GALNT17: variants seen among roughly 807,000 people sequenced by gnomAD.
The protein encoded by GALNT17 is UDP-GalNAc:polypeptide N-acetylgalactosaminyltransferase-like 3.
GALNT17 carries 29 observed loss-of-function variants against 63.7 expected under a neutral mutation model. The observed-to-expected ratio is 0.46, with a 90% CI of 0.34 to 0.62. GALNT17 has a LOEUF of 0.62. Among genes scored for constraint, GALNT17 ranks in the 20% least tolerant of loss-of-function variants. GALNT17 has a pLI of 0.01. For synonymous variants in GALNT17, 305 were observed against 318.3 expected, an observed-to-expected ratio of 0.96 and a Z score of 0.45; for missense variants, 603 against 799.6, an observed-to-expected ratio of 0.75 and a Z score of 2.97.
Position 71,544,394 on chromosome 7 carries a change from A to T in GALNT17, c.963-26891A>T, listed in dbSNP as rs550506194. On this transcript the variant is annotated intron_variant, in intron 5 of 10. Coordinates refer to ENST00000333538, the MANE Select transcript of GALNT17 (RefSeq NM_022479.3). Reference sequence around the variant, plus strand: ...CCTGACCTCGTGATCCACCTGCCTCAGCCTCCCAAAGTGCTGGGATTACAG... The same window carrying T: ...CCTGACCTCGTGATCCACCTGCCTCTGCCTCCCAAAGTGCTGGGATTACAG... Among the ~76,000 whole-genome samples, 6 of 150,084 alleles carry T rather than the reference A, an allele frequency of 4.0e-5. 1 individual carries two copies. Among genetic ancestry groups the T allele is most frequent in the African/African-American group, 1.5e-4 (6 of 40,764 alleles).
At chr7:71,632,465 T>A (rs142790737) in intron 6 of GALNT17, among the ~76,000 whole-genome samples, 55 of 151,926 alleles carry the variant, frequency 3.6e-4, no homozygotes, top group African/African-American at 1.3e-3. Flanking sequence ...GGGGTGAGAG[T>A]GTCCATGAGG....
At chr7:71,643,050 A>T (rs1209173102) in intron 6 of GALNT17, among the ~76,000 whole-genome samples, 1 of 152,170 alleles carries the variant, frequency 6.6e-6, no homozygotes, top group Non-Finnish European at 1.5e-5. Context: ...ACACATGATG[A>T]ACTTCGTCGA....
At chr7:71,666,537 C>T (rs1457218607) in intron 7 of GALNT17, among the ~76,000 whole-genome samples, 1 of 151,734 alleles carries the variant, frequency 6.6e-6, no homozygotes, top group Non-Finnish European at 1.5e-5. Flanking sequence ...TATTTGTTGT[C>T]TGTTATCCCT....
intron 5 of GALNT17, among the ~76,000 whole-genome samples, chr7:71,436,097 G>T (rs923187431): frequency 1.4e-4 from 22 of 151,854 alleles, no homozygotes; most frequent in South Asian, 4.2e-4. Context: ...ATAAAACTCG[G>T]GTCTCCCAGA....
intron 7 of GALNT17, among the ~76,000 whole-genome samples, chr7:71,666,406 T>A (rs977128710): frequency 1.5e-4 from 23 of 150,758 alleles, no homozygotes; most frequent in African/African-American, 5.6e-4. Flanking sequence ...AAAATTTTTT[T>A]AATTTTATTT....
Position 71,279,158 on chromosome 7 carries a change from C to T in GALNT17, c.239-56392C>T, listed in dbSNP as rs148841237. On this transcript the variant is annotated intron_variant, in intron 1 of 10. Coordinates refer to ENST00000333538, the MANE Select transcript of GALNT17 (RefSeq NM_022479.3). The stretch of plus-strand genomic sequence containing the variant: ...CAGGATGGTCTCGATCTCCTTACCT[C>T]GTGATCTGCCCGCCTTGGCCTCCCA... Among the ~76,000 whole-genome samples, 1,419 of 151,938 alleles carry T rather than the reference C, an allele frequency of 9.3e-3. 14 individuals are homozygous for T. The highest frequency in any genetic ancestry group is 0.033 in the African/African-American group (1,356 of 41,434).
At chr7:71,292,132 C>T (rs777439136) in intron 1 of GALNT17, among the ~76,000 whole-genome samples, 4 of 152,154 alleles carry the variant, frequency 2.6e-5, no homozygotes, top group Non-Finnish European at 4.4e-5. Context: ...CCCAGTTCCC[C>T]TTCTGCAGTG....
At position 71,233,068 on chromosome 7, in the gene GALNT17, G is replaced by A. The variant is rs183210097; in HGVS notation, c.238+100028G>A. Among the ~76,000 whole-genome samples the A allele has an allele frequency of 2.8e-3, 428 of 152,294 alleles. 5 individuals carry two copies. The highest frequency in any genetic ancestry group is 9.7e-3 in the African/African-American group (403 of 41,556). On this transcript the variant is annotated intron_variant, in intron 1 of 10. Coordinates refer to ENST00000333538, the MANE Select transcript of GALNT17 (RefSeq NM_022479.3). The stretch of plus-strand genomic sequence containing the variant: ...AGAGGGGGAAACTGAGGTCCAGAGA[G>A]CTGAAGAAGGGCTTCTTCACCAACC...
chr7:71,332,689 G>A (rs1220372328), intron 1 of GALNT17, among the ~76,000 whole-genome samples: 1 of 150,284 alleles, frequency 6.7e-6, no homozygotes, highest in East Asian at 2.0e-4. Flanking sequence ...TTGTTTGTTT[G>A]TTTGTTTTGT....
chr7:71,608,583 G>A (rs1455141165), intron 6 of GALNT17, among the ~76,000 whole-genome samples: 3 of 152,046 alleles, frequency 2.0e-5, no homozygotes, highest in African/African-American at 7.3e-5. Flanking sequence ...ATTGTGCTTG[G>A]TTTCCTCCAC....
At chr7:71,261,703 A>G (rs924449601) in intron 1 of GALNT17, among the ~76,000 whole-genome samples, 9 of 152,322 alleles carry the variant, frequency 5.9e-5, no homozygotes, top group African/African-American at 2.2e-4. Flanking sequence ...TGGCTGTGAC[A>G]GTGGTGGTGA....
intron 9 of GALNT17, among the ~76,000 whole-genome samples, chr7:71,689,540 A>G (rs574098249): frequency 1.3e-5 from 2 of 152,346 alleles, no homozygotes; most frequent in East Asian, 1.9e-4. Flanking sequence ...TGAAGGCTGA[A>G]AGAAGTGAGG....
intron 6 of GALNT17, among the ~76,000 whole-genome samples, chr7:71,626,507 C>A (rs531624001): frequency 6.6e-6 from 1 of 152,292 alleles, no homozygotes; most frequent in Admixed American, 6.5e-5. Context: ...GTCCAGGCAT[C>A]TTTTCCAGGC....
Position 71,452,208 on chromosome 7 carries a change from A to G in GALNT17, c.962+31103A>G, listed in dbSNP as rs143463729. Reference sequence around the variant, plus strand: ...CAGTGAGGTATGATTTCACCACTGCACTTCAGCCTGGGTGACAGAGTGAGG... The same window carrying G: ...CAGTGAGGTATGATTTCACCACTGCGCTTCAGCCTGGGTGACAGAGTGAGG... On this transcript the variant is annotated intron_variant, in intron 5 of 10. Transcript: ENST00000333538. 1.0e-3 allele frequency among the ~76,000 whole-genome samples: 153 copies of G among 152,096 alleles called. 1 individual carries two copies. Among genetic ancestry groups the G allele is most frequent in the African/African-American group, 3.5e-3 (147 of 41,470 alleles).
chr7:71,560,759 G>A (rs1216822845), intron 5 of GALNT17, among the ~76,000 whole-genome samples: 1 of 152,156 alleles, frequency 6.6e-6, no homozygotes, highest in African/African-American at 2.4e-5. Flanking sequence ...TAGGGTTTAG[G>A]AAGAAACAGG....
chr7:71,216,613 C>T (rs867896246), intron 1 of GALNT17, among the ~76,000 whole-genome samples: 10 of 122,992 alleles, frequency 8.1e-5, no homozygotes, highest in African/African-American at 3.2e-4. Context: ...CACATACACA[C>T]AGACACACAC....
chr7:71,208,945 G>T (rs762185847), intron 1 of GALNT17, among the ~76,000 whole-genome samples: 2 of 152,090 alleles, frequency 1.3e-5, no homozygotes, highest in Non-Finnish European at 2.9e-5. Flanking sequence ...TTAGGTTAGG[G>T]GTTGGCAGAC....
chr7:71,593,848 C>T (rs1789848179), intron 6 of GALNT17, among the ~76,000 whole-genome samples: 1 of 152,098 alleles, frequency 6.6e-6, no homozygotes, highest in Non-Finnish European at 1.5e-5. Context: ...ATGGAAAGAA[C>T]TAAAACTACA....
At chr7:71,546,101 A>G (rs7786234) in intron 5 of GALNT17, among the ~76,000 whole-genome samples, 39,586 of 151,754 alleles carry the variant, frequency 0.26, 5,448 homozygotes, top group Admixed American at 0.31. Context: ...CTCAACAACA[A>G]CAACAACAAC....
Sources: allele counts gnomAD v4.1 joint callset (sites outside exome capture counted in the v4.1 genomes callset), GRCh38; gene constraint gnomAD v4.1.1; transcripts MANE v1.5; gene names NCBI Gene and HGNC (gene_info 2026-07-23, HGNC 2026-07-21).